CCSER1: variants seen among roughly 807,000 people sequenced by gnomAD.
The protein encoded by CCSER1 is serine-rich coiled-coil domain-containing protein 1.
Under a neutral mutation model 82.0 loss-of-function variants are expected in CCSER1, and 41 were observed. The observed-to-expected ratio is 0.50, with a 90% confidence interval of 0.39 to 0.65. The LOEUF (loss-of-function observed/expected upper bound fraction) is 0.65. CCSER1 is among the 30% of genes least tolerant of loss of function. The probability of loss-of-function intolerance (pLI) is 0.00; values close to 1 mark genes in which losing one functional copy is unlikely to be tolerated. For synonymous variants in CCSER1, 414 were observed against 383.9 expected, an observed-to-expected ratio of 1.08 and a Z score of -0.92; for missense variants, 1,119 against 1,064.2, an observed-to-expected ratio of 1.05 and a Z score of -0.72.
chr4:91,351,875 G>C (rs1748495011), intron 10 of CCSER1, among the ~76,000 whole-genome samples: 1 of 151,880 alleles, frequency 6.6e-6, no homozygotes, highest in Non-Finnish European at 1.5e-5. Flanking sequence ...CCAATCTGAA[G>C]TTTCCTCTTT....
At chr4:90,395,991 G>C (rs962513628) in intron 3 of CCSER1, among the ~76,000 whole-genome samples, 2 of 151,970 alleles carry the variant, frequency 1.3e-5, no homozygotes, top group East Asian at 1.9e-4. Flanking sequence ...TGAAGCAGGA[G>C]AATTGCTTAA....
chr4:90,239,446 C>T (rs954172266), intron 1 of CCSER1, among the ~76,000 whole-genome samples: 2 of 152,110 alleles, frequency 1.3e-5, no homozygotes, highest in African/African-American at 2.4e-5. Flanking sequence ...CAAAATAACT[C>T]ATTTACTTGA....
chr4:90,499,551 T>C (rs373300825), intron 5 of CCSER1, among the ~76,000 whole-genome samples: 2 of 152,208 alleles, frequency 1.3e-5, no homozygotes, highest in African/African-American at 4.8e-5. Context: ...TATCAATATA[T>C]ATGAATTACT....
chr4:90,613,760 C>T (rs1042843684), intron 5 of CCSER1, among the ~76,000 whole-genome samples: 1 of 152,052 alleles, frequency 6.6e-6, no homozygotes, highest in African/African-American at 2.4e-5. Context: ...TAACAAAGGA[C>T]GTGATTTCTT....
chr4:90,418,996 A>G (rs1170703830), intron 4 of CCSER1, among the ~76,000 whole-genome samples: 1 of 152,038 alleles, frequency 6.6e-6, no homozygotes, highest in Non-Finnish European at 1.5e-5. Context: ...AGAAACCCAG[A>G]AGAGCACTGT....
chr4:91,190,446 C>T (rs904401750), intron 10 of CCSER1, among the ~76,000 whole-genome samples: 2 of 152,168 alleles, frequency 1.3e-5, no homozygotes, highest in Non-Finnish European at 2.9e-5. Context: ...CCTTTCTATA[C>T]TGTGTCTTAT....
chr4:91,454,780 G>A (rs1480302477), intron 10 of CCSER1, among the ~76,000 whole-genome samples: 2 of 151,510 alleles, frequency 1.3e-5, no homozygotes, highest in Non-Finnish European at 2.9e-5. Context: ...TCTAATTAAG[G>A]TGTTCTGTCT....
At chr4:91,182,231 T>A (rs945223341) in intron 10 of CCSER1, among the ~76,000 whole-genome samples, 9 of 152,144 alleles carry the variant, frequency 5.9e-5, no homozygotes, top group Non-Finnish European at 1.2e-4. Flanking sequence ...TCATGATAAG[T>A]TTTCAGGTGT....
chr4:91,439,177 T>G (rs1017400367), intron 10 of CCSER1, among the ~76,000 whole-genome samples: 1 of 151,950 alleles, frequency 6.6e-6, no homozygotes, highest in Non-Finnish European at 1.5e-5. Flanking sequence ...GACACATAAT[T>G]GTCAGATTCA....
chr4:90,455,694 G>A (rs1215030014), intron 4 of CCSER1, among the ~76,000 whole-genome samples: 3 of 152,190 alleles, frequency 2.0e-5, no homozygotes, highest in African/African-American at 7.2e-5. Flanking sequence ...CATGAGGTGG[G>A]GAGGCATACC....
chr4:90,484,180 G>A (rs953798593), intron 5 of CCSER1, among the ~76,000 whole-genome samples: 1 of 151,714 alleles, frequency 6.6e-6, no homozygotes, highest in Admixed American at 6.6e-5. Flanking sequence ...ACTGAGGCTT[G>A]TGCATTCATC....
At chr4:91,323,520 A>T (rs538683900) in intron 10 of CCSER1, among the ~76,000 whole-genome samples, 2 of 152,304 alleles carry the variant, frequency 1.3e-5, no homozygotes, top group South Asian at 4.1e-4. Flanking sequence ...GTACATAATG[A>T]CATAAATAGA....
intron 9 of CCSER1, among the ~76,000 whole-genome samples, chr4:90,949,856 A>G (rs1581181562): frequency 1.3e-5 from 2 of 152,136 alleles, no homozygotes; most frequent in Admixed American, 6.6e-5. Context: ...TGATGACTCT[A>G]AGTAGCAGAC....
At chr4:90,605,773 A>G (rs1012063224) in intron 5 of CCSER1, among the ~76,000 whole-genome samples, 5 of 152,144 alleles carry the variant, frequency 3.3e-5, no homozygotes, top group Admixed American at 3.3e-4. Context: ...TCTTAGTGCC[A>G]GTGTGTTTAC....
At chr4:91,217,049 C>A (rs1267154728) in intron 10 of CCSER1, among the ~76,000 whole-genome samples, 1 of 152,094 alleles carries the variant, frequency 6.6e-6, no homozygotes, top group African/African-American at 2.4e-5. Context: ...GAGTCTGTCC[C>A]TTCTGATGTT....
intron 1 of CCSER1, among the ~76,000 whole-genome samples, chr4:90,192,239 A>G (rs1297441077): frequency 6.6e-6 from 1 of 151,970 alleles, no homozygotes; most frequent in Non-Finnish European, 1.5e-5. Flanking sequence ...TACAGTAGCC[A>G]TCAGATCTTG....
intron 5 of CCSER1, among the ~76,000 whole-genome samples, chr4:90,547,369 T>C (rs1254415101): frequency 1.3e-5 from 2 of 152,102 alleles, no homozygotes; most frequent in Non-Finnish European, 2.9e-5. Context: ...AAACAAAGTG[T>C]CTATTTCTTC....
chr4:90,330,873 A>AGTGG, intron 3 of CCSER1, among the ~76,000 whole-genome samples: 1 of 152,266 alleles, frequency 6.6e-6, no homozygotes, highest in East Asian at 1.9e-4. Context: ...GATTCAGTGC[A>AGTGG]GTGGGGTTGA....
intron 1 of CCSER1, among the ~76,000 whole-genome samples, chr4:90,145,409 T>A (rs1725617368): frequency 6.6e-6 from 1 of 152,168 alleles, no homozygotes; most frequent in Non-Finnish European, 1.5e-5. Flanking sequence ...TGTCATATGT[T>A]GCTGCCTTTA....
Sources: gnomAD v4.1 joint callset for allele counts (sites outside exome capture counted in the v4.1 genomes callset) on GRCh38, gnomAD v4.1.1 for gene constraint, MANE v1.5 for transcripts, NCBI Gene and HGNC (gene_info 2026-07-23, HGNC 2026-07-21) for gene names.